The following CACNA2D1 variants were observed in gnomAD, a reference collection of about 807,000 sequenced individuals.
CACNA2D1 encodes calcium voltage-gated channel auxiliary subunit alpha2delta 1, also known as voltage-dependent calcium channel subunit alpha-2/delta-1.
A neutral mutation model predicts 171.5 loss-of-function variants in CACNA2D1; 53 were observed. The observed-to-expected ratio is 0.31, with a 90% confidence interval of 0.25 to 0.39. The LOEUF is 0.39. Among genes scored for constraint, CACNA2D1 ranks in the 10% least tolerant of loss-of-function variants. The pLI is 1.00. For missense variants in CACNA2D1, 903 were observed against 1,299.8 expected (o/e 0.69, Z 4.69); for synonymous variants, 442 against 443.1 (o/e 1.00, Z 0.03).
At chr7:82,091,248 C>A (rs942943066) in intron 6 of CACNA2D1, among the ~76,000 whole-genome samples, 1 of 152,150 alleles carries the variant, frequency 6.6e-6, no homozygotes, top group Non-Finnish European at 1.5e-5. Context: ...CTAATCATGT[C>A]TCGGGCACCA....
At chr7:82,282,211 T>C (rs528587992) in intron 3 of CACNA2D1, among the ~76,000 whole-genome samples, 1 of 152,100 alleles carries the variant, frequency 6.6e-6, no homozygotes, top group South Asian at 2.1e-4. Flanking sequence ...GGTAGGAGAA[T>C]CCCTTGAACC....
intron 3 of CACNA2D1, among the ~76,000 whole-genome samples, chr7:82,300,948 A>G (rs1812923043): frequency 6.6e-6 from 1 of 152,206 alleles, no homozygotes; most frequent in Non-Finnish European, 1.5e-5. Flanking sequence ...GAAGCAGTTG[A>G]TAACTTCCAA....
chr7:82,184,456 C>G (rs1797465025), intron 3 of CACNA2D1, among the ~76,000 whole-genome samples: 1 of 151,696 alleles, frequency 6.6e-6, no homozygotes, highest in Non-Finnish European at 1.5e-5. Flanking sequence ...TTCAGTAGCT[C>G]TTTAGTTTTT....
intron 10 of CACNA2D1, among the ~76,000 whole-genome samples, chr7:82,048,345 T>G (rs1437323817): frequency 6.6e-6 from 1 of 152,144 alleles, no homozygotes; most frequent in Non-Finnish European, 1.5e-5. Context: ...TATTTTAAAG[T>G]GTGCAATAAA....
In CACNA2D1 at chr7:82,000,771, C is replaced by CTTTTTTTT. The variant is rs774565705; in HGVS notation, c.1591-3529_1591-3522dup. ...TACCATGCCTAACTAATTTTTCTTT[C>CTTTTTTTT]TTTTTTTTTTTTTTTTTTTTTTTTT... On this transcript the variant is annotated intron_variant, in intron 18 of 38. Transcript: ENST00000356860. 4.1e-3 allele frequency among the ~76,000 whole-genome samples: 214 copies of CTTTTTTTT among 51,976 alleles called. 49 individuals carry two copies. Among genetic ancestry groups the CTTTTTTTT allele is most frequent in the Non-Finnish European group, 6.2e-3 (171 of 27,710 alleles). 34.1% of individuals were successfully genotyped at this position (51,976 alleles called of 152,430 possible).
intron 10 of CACNA2D1, among the ~76,000 whole-genome samples, chr7:82,055,530 T>C (rs1164303170): frequency 6.6e-6 from 1 of 151,596 alleles, no homozygotes; most frequent in African/African-American, 2.4e-5. Context: ...CCAACAATGA[T>C]AGACTGGATT....
intron 3 of CACNA2D1, among the ~76,000 whole-genome samples, chr7:82,326,359 A>G (rs1463656257): frequency 6.6e-6 from 1 of 152,192 alleles, no homozygotes; most frequent in Non-Finnish European, 1.5e-5. Context: ...CCAAAAACCC[A>G]TCAATGATGT....
chr7:82,130,489 T>C, intron 5 of CACNA2D1, among the ~76,000 whole-genome samples: 1 of 152,186 alleles, frequency 6.6e-6, no homozygotes, highest in Middle Eastern at 3.4e-3. Context: ...TTAAAATTTA[T>C]AATCATAAAA....
intron 4 of CACNA2D1, among the ~76,000 whole-genome samples, chr7:82,150,890 A>C (rs571955871): frequency 1.3e-5 from 2 of 152,206 alleles, no homozygotes; most frequent in Non-Finnish European, 2.9e-5. Flanking sequence ...ACATTAAAGA[A>C]GCACATTTGA....
chr7:82,420,265 T>C (rs1300077001), intron 1 of CACNA2D1, among the ~76,000 whole-genome samples: 2 of 152,210 alleles, frequency 1.3e-5, no homozygotes, highest in African/African-American at 4.8e-5. Context: ...ACAAACAAGT[T>C]CTATAAAATT....
chr7:82,156,133 A>C (rs547179025), intron 4 of CACNA2D1, among the ~76,000 whole-genome samples: 1 of 152,342 alleles, frequency 6.6e-6, no homozygotes, highest in East Asian at 1.9e-4. Context: ...ATAATATTTA[A>C]TGGCATACTT....
intron 4 of CACNA2D1, among the ~76,000 whole-genome samples, chr7:82,161,543 T>G (rs928763224): frequency 1.3e-5 from 2 of 152,062 alleles, no homozygotes; most frequent in Non-Finnish European, 2.9e-5. Flanking sequence ...TTGACAAAAT[T>G]TGCAGATTAA....
At chr7:82,095,439 T>C (rs1049841460) in intron 6 of CACNA2D1, among the ~76,000 whole-genome samples, 2 of 152,188 alleles carry the variant, frequency 1.3e-5, no homozygotes, top group Non-Finnish European at 2.9e-5. Context: ...GCCTAGAATA[T>C]AGTGAAAGAG....
rs557021499 is a variant in CACNA2D1 at position 82,077,699 on chromosome 7, AATG to A, written c.658+7067_658+7069del. ...AAACACTTCAATTTAAAGTTTATAT[AATG>A]ATCAACAACTATATACATTTATAGT... On this transcript the variant is annotated intron_variant, in intron 7 of 38. Transcript: ENST00000356860. Among the ~76,000 whole-genome samples, 850 of 152,112 alleles carry A rather than the reference AATG, an allele frequency of 5.6e-3. 12 individuals carry two copies. Among genetic ancestry groups the A allele is most frequent in the African/African-American group, 0.019 (807 of 41,490 alleles).
At chr7:82,170,133 T>C (rs1795863539) in intron 4 of CACNA2D1, among the ~76,000 whole-genome samples, 1 of 151,950 alleles carries the variant, frequency 6.6e-6, no homozygotes, top group South Asian at 2.1e-4. Context: ...TTGCCCACCA[T>C]CAAGGTGATT....
At chr7:82,175,027 T>A (rs1350472449) in intron 3 of CACNA2D1, among the ~76,000 whole-genome samples, 1 of 152,056 alleles carries the variant, frequency 6.6e-6, no homozygotes, top group Non-Finnish European at 1.5e-5. Flanking sequence ...GATATAATTC[T>A]ACTATCCTAA....
intron 3 of CACNA2D1, among the ~76,000 whole-genome samples, chr7:82,264,485 G>C (rs944456006): frequency 6.6e-6 from 1 of 152,282 alleles, no homozygotes; most frequent in East Asian, 1.9e-4. Flanking sequence ...TATAGTGAAG[G>C]TATTGTTTAT....
chr7:82,234,097 T>C (rs1203568078), intron 3 of CACNA2D1, among the ~76,000 whole-genome samples: 1 of 152,122 alleles, frequency 6.6e-6, no homozygotes, highest in Non-Finnish European at 1.5e-5. Flanking sequence ...ATGTAGAACA[T>C]AAAACACTAA....
At position 82,038,889 on chromosome 7, in the gene CACNA2D1, T is replaced by C. The variant is rs570164654; in HGVS notation, c.880-654A>G. On this transcript the variant is annotated intron_variant, in intron 10 of 38. Transcript: ENST00000356860. ...GGAGAGAAAACATCAACTCCAACGA[T>C]AACTGCCCAAAATGGAAAATTTAAG... Among the ~76,000 whole-genome samples the C allele has an allele frequency of 1.4e-3, 219 of 152,226 alleles. 1 individual carries two copies. Among genetic ancestry groups the C allele is most frequent in the Non-Finnish European group, 2.8e-3 (189 of 68,002 alleles).
Sources: allele counts gnomAD v4.1 joint callset (sites outside exome capture counted in the v4.1 genomes callset), GRCh38; gene constraint gnomAD v4.1.1; transcripts MANE v1.5; gene names NCBI Gene and HGNC (gene_info 2026-07-23, HGNC 2026-07-21).